TMPRSS6: variants seen among roughly 807,000 people sequenced by gnomAD.
The protein encoded by TMPRSS6 is transmembrane serine protease 6, also known as transmembrane protease serine 6.
In TMPRSS6, 67 loss-of-function variants were observed where a neutral mutation model predicts 101.5. The ratio of observed to expected loss-of-function variants is 0.66; its 90% CI spans 0.54 to 0.81. The LOEUF (loss-of-function observed/expected upper bound fraction) is 0.81, where lower values mean the gene tolerates loss of function less well. TMPRSS6 is among the 30% of genes least tolerant of loss of function. The pLI, the probability that TMPRSS6 is intolerant of heterozygous loss-of-function variation, is 0.00. For synonymous variants in TMPRSS6, 453 were observed against 464.9 expected (o/e 0.97, Z 0.33); for missense variants, 1,034 against 1,088.7 (o/e 0.95, Z 0.71).
chr22:37,083,990 G>A (rs1928465417), intron 10 of TMPRSS6: 2 of 556,238 alleles, frequency 3.6e-6, no homozygotes, highest in Admixed American at 3.1e-5. Flanking sequence ...GCCAGAGGGG[G>A]TTACAGCACC....
At chr22:37,102,038 G>C (rs1930359962) in intron 2 of TMPRSS6, among the ~76,000 whole-genome samples, 1 of 152,018 alleles carries the variant, frequency 6.6e-6, no homozygotes, top group South Asian at 2.1e-4. Context: ...GCTGGTTCCA[G>C]ACACTCCCAA....
rs1476166310 is a variant in TMPRSS6 at position 37,084,299 on chromosome 22, T to G, written c.1192A>C (p.Arg398=). The G allele has an allele frequency of 1.9e-6, 3 of 1,613,132 alleles. No individual in the cohort carries two copies. The highest frequency in any genetic ancestry group is 2.2e-5 in the South Asian group (2 of 90,846). ...AGGGAGGAGAGGAAGTGGTACCTCCTGTTCTGGATCGTCCACTGGCCCTGG... is the reference window on the plus strand; with the variant it reads ...AGGGAGGAGAGGAAGTGGTACCTCCGGTTCTGGATCGTCCACTGGCCCTGG... ...CTQGQWTIQN[R]RLCGLRILQP... The change falls in exon 10 of 18, where the codon AGG becomes CGG. Residue 398 remains arginine, a synonymous_variant. Coordinates refer to ENST00000676104, the MANE Select transcript of TMPRSS6 (RefSeq NM_001374504.1).
In TMPRSS6 at chr22:37,070,993, C is replaced by T. The variant is rs748129471; in HGVS notation, c.1595G>A (p.Arg532Gln). The T allele has an allele frequency of 8.1e-6, 13 of 1,613,084 alleles. No homozygotes were observed. Among genetic ancestry groups the T allele is most frequent in the Admixed American group, 3.3e-5 (2 of 59,988 alleles). ...CGGGTTGGGCTTCTTCACGCAGCTC[C>T]GGTCCTCACACTGGAAGGTGAATGT... ...CGTFTFQCED[R>Q]SCVKKPNPQC... Residue 532 changes from arginine (R) to glutamine (Q), a missense_variant, in exon 14 of 18, where the codon CGG (arginine) becomes CAG (glutamine). Physicochemically the swap from Arg to Gln is conservative, Grantham distance 43 (BLOSUM62 1). Transcript: ENST00000676104.
At chr22:37,070,827 G>C in intron 14 of TMPRSS6, 89 bp downstream of exon 14, 1 of 1,407,486 alleles carries the variant, frequency 7.1e-7, no homozygotes. Context: ...AGAGACCAGG[G>C]GACAACAGTG....
chr22:37,078,967 G>GAA (rs71324840), intron 10 of TMPRSS6, among the ~76,000 whole-genome samples: 1,745 of 83,778 alleles, frequency 0.021, 27 homozygotes, highest in East Asian at 0.05. Flanking sequence ...GAGAAAGAAA[G>GAA]AAAGAAAAAG....
rs1315987758 is a variant in TMPRSS6 at position 37,069,275 on chromosome 22, C to T, written c.1911G>A (p.Glu637=). The change falls in exon 16 of 18, where the codon GAG becomes GAA. Residue 637 remains glutamate, a synonymous_variant. Coordinates refer to ENST00000676104, the MANE Select transcript of TMPRSS6 (RefSeq NM_001374504.1). The surrounding 1 kb of genome is among the most constrained non-coding windows in gnomAD (Gnocchi z 4.8). ...GCAGGCGGCTCACCTTGAAGGACAC[C>T]TCTCCAGGCCAGCGCGAGTTCTGCC... The part of the protein sequence containing the change: ...KVWQNSRWPG[E]VSFKVSRLLL... 32 of 1,611,042 alleles carry T rather than the reference C, an allele frequency of 2.0e-5. No homozygotes were observed. The highest frequency in any genetic ancestry group is 2.6e-5 in the Non-Finnish European group (31 of 1,179,680).
Position 37,069,152 on chromosome 22 carries a change from G to A in TMPRSS6, c.2034C>T (p.Val678=), listed in dbSNP as rs1158424484. The change falls in exon 16 of 18, where the codon GTC becomes GTT. Residue 678 remains valine, a synonymous_variant. Coordinates refer to ENST00000676104, the MANE Select transcript of TMPRSS6 (RefSeq NM_001374504.1). This position sits in a 1 kb window ranked among gnomAD's most constrained non-coding sequence, Gnocchi z 4.8. ...AGAAGTGGGAGCGCGCGGGCAGGCA[G>A]ACGGGGCGCACGGCGGCCGAGCGCA... ...PVVRSAAVRP[V]CLPARSHFFE... is the part of the protein sequence containing the mutation. 1.3e-6 allele frequency: 2 copies of A among 1,577,698 alleles called. No individual in the cohort carries two copies. Among genetic ancestry groups the A allele is most frequent in the Admixed American group, 1.8e-5 (1 of 55,178 alleles).
chr22:37,089,557 C>CCCCCCCCCTT, intron 7 of TMPRSS6, 21 bp downstream of exon 7: 1 of 1,563,468 alleles, frequency 6.4e-7, no homozygotes, highest in Non-Finnish European at 8.7e-7. Flanking sequence ...CTCCCTCCTG[C>CCCCCCCCCTT]CCTCCTTCCC....
intron 10 of TMPRSS6, among the ~76,000 whole-genome samples, chr22:37,078,982 A>G (rs922256791): frequency 6.3e-4 from 89 of 141,706 alleles, no homozygotes; most frequent in African/African-American, 1.8e-3. Flanking sequence ...AAAAAGAAAG[A>G]AAGAAAGAAA....
chr22:37,108,968 G>A (rs1412392923), intron 1 of TMPRSS6, among the ~76,000 whole-genome samples: 2 of 152,116 alleles, frequency 1.3e-5, no homozygotes, highest in African/African-American at 2.4e-5. Context: ...AGGGATATAC[G>A]CACATCTATT....
Position 37,070,657 on chromosome 22 carries a change from G to T in TMPRSS6, c.1673-5C>A. Reference sequence around the variant, plus strand: ...AGGGGCCCTGGAGGCCACAGTCTGGGGATGGGGGCAGGTGGTGGGGTGGAC... The same window carrying T: ...AGGGGCCCTGGAGGCCACAGTCTGGTGATGGGGGCAGGTGGTGGGGTGGAC... On this transcript the variant is annotated splice_polypyrimidine_tract_variant and splice_region_variant and intron_variant, in intron 14 of 17. Coordinates refer to ENST00000676104, the MANE Select transcript of TMPRSS6 (RefSeq NM_001374504.1). 6.2e-7 allele frequency: 1 copy of T among 1,612,582 alleles called. No individual in the cohort carries two copies. Among genetic ancestry groups the T allele is most frequent in the African/African-American group, 1.3e-5 (1 of 75,044 alleles).
chr22:37,081,112 C>A (rs936135230), intron 10 of TMPRSS6, among the ~76,000 whole-genome samples: 4 of 152,244 alleles, frequency 2.6e-5, no homozygotes, highest in African/African-American at 9.6e-5. Context: ...AGTACAGGCA[C>A]CTGCTTCCTC....
chr22:37,105,080 G>A (rs1213181030), intron 1 of TMPRSS6, among the ~76,000 whole-genome samples: 3 of 152,180 alleles, frequency 2.0e-5, no homozygotes, highest in African/African-American at 7.2e-5. Context: ...CTTTAGTAAT[G>A]CTCAAAGTCC....
intron 10 of TMPRSS6, chr22:37,082,642 C>T (rs930047365): frequency 4.1e-6 from 1 of 241,584 alleles, no homozygotes; most frequent in Admixed American, 5.1e-5. Context: ...GCTACAGAAG[C>T]CTTCTGCTCT....
chr22:37,096,752 TGCAG>T (rs1348285090), intron 3 of TMPRSS6, 37 bp from the exon 4 acceptor site: 1 of 1,552,188 alleles, frequency 6.4e-7, no homozygotes, highest in Non-Finnish European at 8.7e-7. Flanking sequence ...TGGGACCCTC[TGCAG>T]GGCAGACAGG....
Position 37,096,628 on chromosome 22 carries a change from C to A in TMPRSS6, c.404+20G>T. 1 of 1,556,422 alleles carries A rather than the reference C, an allele frequency of 6.4e-7. No homozygotes were observed. Among genetic ancestry groups the A allele is most frequent in the South Asian group, 1.2e-5 (1 of 84,212 alleles). On this transcript the variant is annotated intron_variant, in intron 4 of 17. Coordinates refer to ENST00000676104, the MANE Select transcript of TMPRSS6 (RefSeq NM_001374504.1). ...ATCTCAGCTTCTTGCAGGAGCTGGTCAGGGGCAAGGACAACTCACCCAAAG... is the reference window on the plus strand; with the variant it reads ...ATCTCAGCTTCTTGCAGGAGCTGGTAAGGGGCAAGGACAACTCACCCAAAG...
rs1930348553 is a variant in TMPRSS6 at position 37,101,938 on chromosome 22, T to C, written c.202+1278A>G. ...TGAAATGCACATGGCGTCTACTGCC[T>C]GCGTTGCTCAACTCTGGGTAGAATC... On this transcript the variant is annotated intron_variant, in intron 2 of 17. Transcript: ENST00000676104. The surrounding 1 kb of genome is among the most constrained non-coding windows in gnomAD (Gnocchi z 4.1). Among the ~76,000 whole-genome samples the C allele has an allele frequency of 6.6e-6, 1 of 152,198 alleles. No individual in the cohort carries two copies. Among genetic ancestry groups the C allele is most frequent in the Admixed American group, 6.5e-5 (1 of 15,290 alleles).
intron 13 of TMPRSS6, among the ~76,000 whole-genome samples, chr22:37,073,042 C>T (rs1217289994): frequency 5.9e-5 from 6 of 101,710 alleles, no homozygotes; most frequent in Non-Finnish European, 8.0e-5. Context: ...GACGGATGGA[C>T]GATGGGTGGA....
At chr22:37,068,739 G>A (rs1029858834) in intron 16 of TMPRSS6, 3 of 776,762 alleles carry the variant, frequency 3.9e-6, no homozygotes, top group Admixed American at 1.7e-5. Flanking sequence ...GATGTGGAAA[G>A]TGCTAGTAAT....
Sources: allele counts gnomAD v4.1 joint callset (sites outside exome capture counted in the v4.1 genomes callset), GRCh38; gene constraint gnomAD v4.1.1; non-coding constraint Gnocchi (gnomAD v3.1); transcripts MANE v1.5; gene names NCBI Gene and HGNC (gene_info 2026-07-23, HGNC 2026-07-21).